MYH10: variants seen among roughly 807,000 people sequenced by gnomAD.
The protein encoded by MYH10 is myosin heavy chain 10.
Under a neutral mutation model 257.8 loss-of-function variants are expected in MYH10, and 55 were observed. The observed-to-expected ratio is 0.21, with a 90% confidence interval of 0.17 to 0.27. The LOEUF (loss-of-function observed/expected upper bound fraction) is 0.27, where lower values mean the gene tolerates loss of function less well. MYH10 is among the 10% of genes least tolerant of loss of function. The pLI is 1.00. For synonymous variants in MYH10, 854 were observed against 921.7 expected (o/e 0.93, Z 1.33); for missense variants, 1,631 against 2,500.6 (o/e 0.65, Z 7.42).
At chr17:8,627,516 C>T (rs538326201) in intron 1 of MYH10, among the ~76,000 whole-genome samples, 2 of 152,308 alleles carry the variant, frequency 1.3e-5, no homozygotes, top group South Asian at 2.1e-4. Context: ...CCCTACCCTG[C>T]GTTGTACCAG....
rs2082527636 is a variant in MYH10 at position 8,548,795 on chromosome 17, G to T, written c.920-8C>A. The T allele has an allele frequency of 2.5e-6, 4 of 1,604,560 alleles. No individual in the cohort carries two copies. In the East Asian group the frequency reaches 8.9e-5, roughly 36 times the overall value. On this transcript the variant is annotated splice_polypyrimidine_tract_variant and splice_region_variant and intron_variant, in intron 9 of 42. Transcript: ENST00000360416. The stretch of plus-strand genomic sequence containing the variant: ...CTTCAAGAAGCAAATCAGCTAAAAG[G>T]AAATATAATGGAAGAAAATTTGATA...
chr17:8,491,217 C>T (rs528208500), intron 34 of MYH10, among the ~76,000 whole-genome samples: 2 of 152,272 alleles, frequency 1.3e-5, no homozygotes, highest in East Asian at 1.9e-4. Flanking sequence ...GGGACAGGCG[C>T]GGGGAATCCT....
intron 4 of MYH10, among the ~76,000 whole-genome samples, chr17:8,584,767 G>A (rs1597894998): frequency 1.3e-5 from 2 of 152,284 alleles, no homozygotes; most frequent in Non-Finnish European, 2.9e-5. Flanking sequence ...AAAGCTTAAG[G>A]AGATGCTATC....
intron 14 of MYH10, among the ~76,000 whole-genome samples, chr17:8,538,737 G>A (rs2082212863): frequency 6.6e-6 from 1 of 152,196 alleles, no homozygotes; most frequent in Non-Finnish European, 1.5e-5. Flanking sequence ...GAAGGAACGA[G>A]TTACCTAGTT....
Position 8,577,451 on chromosome 17 carries a change from GAATA to G in MYH10, c.531-117_531-114del, listed in dbSNP as rs776115660. ...GAACAATAATTAATAAAAATAAAAA[GAATA>G]AATAGAAAAAATAACTATCAGCAGT... On this transcript the variant is annotated intron_variant, in intron 4 of 42. Coordinates refer to ENST00000360416, the MANE Select transcript of MYH10 (RefSeq NM_001256012.3). The G allele has an allele frequency of 7.9e-4, 419 of 528,056 alleles. 2 individuals carry two copies. The highest frequency in any genetic ancestry group is 1.1e-3 in the Non-Finnish European group (321 of 305,534). The allele number at this position is 528,056 out of a possible 1,614,324, so 32.7% of individuals were successfully genotyped here.
chr17:8,499,241 C>T lies in MYH10; in HGVS notation c.3951+29G>A, dbSNP rs116975567. On this transcript the variant is annotated intron_variant, in intron 30 of 42. Transcript: ENST00000360416. ...AAATTAGGGACATGCTACAGTGGGA[C>T]GTGTGTAGAGCGGAGGTTTCTGGCT... 1.1e-3 allele frequency: 1,754 copies of T among 1,601,254 alleles called. 37 individuals are homozygous for T. The East Asian group carries it at 0.033, about 30-fold the overall frequency.
intron 3 of MYH10, among the ~76,000 whole-genome samples, chr17:8,592,662 T>G (rs1463880179): frequency 6.6e-6 from 1 of 150,976 alleles, no homozygotes; most frequent in East Asian, 1.9e-4. Flanking sequence ...TTAAAAATCT[T>G]CTCACAAAGA....
At chr17:8,498,148 A>T (rs896082358) in intron 30 of MYH10, among the ~76,000 whole-genome samples, 1 of 151,480 alleles carries the variant, frequency 6.6e-6, no homozygotes, top group Admixed American at 6.6e-5. Context: ...ACACCTGGCC[A>T]ATTTTTTTGT....
chr17:8,609,962 A>T (rs1384744116), intron 2 of MYH10, among the ~76,000 whole-genome samples: 1 of 152,000 alleles, frequency 6.6e-6, no homozygotes, highest in African/African-American at 2.4e-5. Context: ...ATTAAAAGGA[A>T]TTCGCTAAGC....
intron 41 of MYH10, 152 bp downstream of exon 41, chr17:8,478,186 G>T: frequency 1.5e-6 from 1 of 666,324 alleles, no homozygotes; most frequent in Non-Finnish European, 2.6e-6. Flanking sequence ...CTCGGGTACT[G>T]GGAGTGCCCA....
At chr17:8,572,937 C>T (rs1567921197) in intron 6 of MYH10, among the ~76,000 whole-genome samples, 1 of 152,296 alleles carries the variant, frequency 6.6e-6, no homozygotes, top group South Asian at 2.1e-4. Flanking sequence ...CAGATCTCAA[C>T]CAAATTATGA....
intron 24 of MYH10, chr17:8,511,019 T>TATATATATATATATACAC (rs2081253189): frequency 2.8e-4 from 1 of 3,550 alleles, no homozygotes; most frequent in African/African-American, 3.5e-4. Flanking sequence ...GTACCCCATA[T>TATATATATATATATACAC]ATATATATAT....
chr17:8,499,194 T>C lies in MYH10; in HGVS notation c.3951+76A>G. On this transcript the variant is annotated intron_variant, in intron 30 of 42. Transcript: ENST00000360416. ...CAGCACATTGGCCATGGGTCTCTTA[T>C]TGCACAGAGGGATACAATGGTAAAT... 4.8e-6 allele frequency: 7 copies of C among 1,457,430 alleles called. No homozygotes were observed. The Admixed American group carries it at 9.6e-5, about 20-fold the overall frequency. The allele number at this position is 1,457,430 out of a possible 1,614,324, so 90.3% of individuals were successfully genotyped here. A position where few individuals can be genotyped will look rare whatever the true frequency, so the allele number is the denominator to read the frequency against.
intron 9 of MYH10, 77 bp downstream of exon 9, chr17:8,551,969 A>G (rs867001197): frequency 2.0e-5 from 16 of 789,926 alleles, no homozygotes; most frequent in Non-Finnish European, 1.7e-5. Flanking sequence ...ACTGTTTCCC[A>G]AAATTGTTTT....
chr17:8,544,451 A>AT (rs974284997), intron 13 of MYH10, among the ~76,000 whole-genome samples: 20 of 152,278 alleles, frequency 1.3e-4, no homozygotes, highest in African/African-American at 4.6e-4. Flanking sequence ...AAAGTGACAG[A>AT]TTTTTTTAAT....
intron 14 of MYH10, among the ~76,000 whole-genome samples, chr17:8,540,073 T>C (rs1597779242): frequency 6.6e-6 from 1 of 152,316 alleles, no homozygotes; most frequent in Non-Finnish European, 1.5e-5. Context: ...CACTGCAACC[T>C]CTGCCTCCTG....
chr17:8,586,436 A>T (rs1473188888), intron 4 of MYH10, among the ~76,000 whole-genome samples: 1 of 152,236 alleles, frequency 6.6e-6, no homozygotes, highest in African/African-American at 2.4e-5. Context: ...AGTACAGTGA[A>T]ATATTAACAG....
At position 8,490,866 on chromosome 17, in the gene MYH10, G is replaced by A. The variant is rs7210447; in HGVS notation, c.4672-314C>T. ...AGAACAAAGGAAACAGCCATGTCAG[G>A]GAACCTGTCTGTTGACTGACTCCTT... On this transcript the variant is annotated intron_variant, in intron 34 of 42. Transcript: ENST00000360416. The surrounding 1 kb of genome is among the most constrained non-coding windows in gnomAD (Gnocchi z 4.1). Among the ~76,000 whole-genome samples, 142,550 of 152,266 alleles carry A rather than the reference G, an allele frequency of 0.94. 67,473 individuals are homozygous for A. The highest frequency in any genetic ancestry group is 1 in the East Asian group (5,180 of 5,180).
chr17:8,573,573 T>A lies in MYH10; in HGVS notation c.663+3070A>T, dbSNP rs533682941. On this transcript the variant is annotated intron_variant, in intron 6 of 42. Transcript: ENST00000360416. Reference sequence around the variant, plus strand: ...AAATCTGCTCTGAAATTGCACTATGTTGAGGCTTTGTGAACTCTGTGCTAG... The same window carrying A: ...AAATCTGCTCTGAAATTGCACTATGATGAGGCTTTGTGAACTCTGTGCTAG... Among the ~76,000 whole-genome samples, 136 of 152,312 alleles carry A rather than the reference T, an allele frequency of 8.9e-4. 1 individual carries two copies. The highest frequency in any genetic ancestry group is 3.2e-3 in the African/African-American group (134 of 41,548).
Sources: allele counts gnomAD v4.1 joint callset (sites outside exome capture counted in the v4.1 genomes callset), GRCh38; gene constraint gnomAD v4.1.1; non-coding constraint Gnocchi (gnomAD v3.1); transcripts MANE v1.5; gene names NCBI Gene and HGNC (gene_info 2026-07-23, HGNC 2026-07-21).